Variants in CHRM3 observed in about 807,000 individuals in gnomAD.
The protein encoded by CHRM3 is muscarinic acetylcholine receptor M3.
A neutral mutation model predicts 41.8 loss-of-function variants in CHRM3; 11 were observed. That is an observed-to-expected ratio of 0.26 (90% confidence interval 0.17 to 0.44). The LOEUF (loss-of-function observed/expected upper bound fraction) is 0.44. CHRM3 is among the 20% of genes least tolerant of loss of function. The pLI, the probability that CHRM3 is intolerant of heterozygous loss-of-function variation, is 1.00. For synonymous variants in CHRM3, 297 were observed against 301.4 expected (o/e 0.99, Z 0.15); for missense variants, 571 against 745.4 (o/e 0.77, Z 2.72).
intron 5 of CHRM3, among the ~76,000 whole-genome samples, chr1:239,803,886 G>A (rs1200668375): frequency 6.6e-6 from 1 of 152,232 alleles, no homozygotes; most frequent in Non-Finnish European, 1.5e-5. Flanking sequence ...ACTGCAGTAA[G>A]TCGTGATAGC....
chr1:239,507,348 G>C (rs1436268795), intron 2 of CHRM3, among the ~76,000 whole-genome samples: 3 of 152,146 alleles, frequency 2.0e-5, no homozygotes, highest in African/African-American at 7.2e-5. Context: ...CAAGTCTCAT[G>C]AGATCTGATG....
At chr1:239,690,030 GAC>G (rs1659552729) in intron 5 of CHRM3, among the ~76,000 whole-genome samples, 1 of 144,698 alleles carries the variant, frequency 6.9e-6, no homozygotes, top group South Asian at 2.2e-4. Context: ...GAGAGAGAGA[GAC>G]AGAGAGAGAG....
intron 6 of CHRM3, among the ~76,000 whole-genome samples, chr1:239,890,158 A>C (rs1678428547): frequency 6.6e-6 from 1 of 152,006 alleles, no homozygotes; most frequent in Non-Finnish European, 1.5e-5. Flanking sequence ...AAGATTAGCC[A>C]GGCCTGGTGG....
intron 6 of CHRM3, among the ~76,000 whole-genome samples, chr1:239,832,872 G>A (rs935558628): frequency 2.6e-5 from 4 of 152,092 alleles, no homozygotes; most frequent in African/African-American, 7.2e-5. Flanking sequence ...ATATCAGGAC[G>A]CTCCTGAGTC....
intron 1 of CHRM3, among the ~76,000 whole-genome samples, chr1:239,441,472 G>T (rs761177137): frequency 2.2e-4 from 34 of 152,106 alleles, no homozygotes; most frequent in Non-Finnish European, 3.5e-4. Context: ...TCCAATATTT[G>T]TCTACATTTG....
At chr1:239,784,034 A>G (rs908765207) in intron 5 of CHRM3, among the ~76,000 whole-genome samples, 1 of 152,246 alleles carries the variant, frequency 6.6e-6, no homozygotes, top group Admixed American at 6.5e-5. Flanking sequence ...TGCAAAGGAC[A>G]TGATTTCGTT....
At chr1:239,422,932 T>C (rs1375159389) in intron 1 of CHRM3, among the ~76,000 whole-genome samples, 2 of 152,126 alleles carry the variant, frequency 1.3e-5, no homozygotes, top group African/African-American at 4.8e-5. Context: ...GGGGAGATAG[T>C]TTTGCAGGGA....
At chr1:239,649,720 A>G (rs1288795261) in intron 4 of CHRM3, among the ~76,000 whole-genome samples, 1 of 152,116 alleles carries the variant, frequency 6.6e-6, no homozygotes, top group African/African-American at 2.4e-5. Flanking sequence ...GCAGGAGTAG[A>G]GATCTTGAGT....
chr1:239,898,154 G>A (rs1679169880), intron 6 of CHRM3: 1 of 152,190 alleles, frequency 6.6e-6, no homozygotes, highest in Non-Finnish European at 1.5e-5. Flanking sequence ...AGGTTCACAA[G>A]TTGGATTCCC....
chr1:239,533,975 T>C (rs963083014), intron 2 of CHRM3, among the ~76,000 whole-genome samples: 7 of 152,142 alleles, frequency 4.6e-5, no homozygotes, highest in Non-Finnish European at 1.0e-4. Flanking sequence ...TTAGCAGCTC[T>C]TGCTAGTTAT....
At chr1:239,408,596 A>G (rs1215063755) in intron 1 of CHRM3, among the ~76,000 whole-genome samples, 1 of 151,160 alleles carries the variant, frequency 6.6e-6, no homozygotes, top group Non-Finnish European at 1.5e-5. Flanking sequence ...TAGCAGCGTG[A>G]GAACGGACTA....
chr1:239,453,370 G>A (rs1191272547), intron 1 of CHRM3, among the ~76,000 whole-genome samples: 1 of 152,206 alleles, frequency 6.6e-6, no homozygotes, highest in African/African-American at 2.4e-5. Flanking sequence ...GCTATCTCAT[G>A]TGTTGTAGCA....
chr1:239,440,422 A>G (rs80221376), intron 1 of CHRM3, among the ~76,000 whole-genome samples: 4,966 of 152,272 alleles, frequency 0.033, 118 homozygotes, highest in Admixed American at 0.069. Flanking sequence ...CAGGAGTTCA[A>G]GACCAGCTTG....
chr1:239,795,098 T>G lies in CHRM3; in HGVS notation c.-146-32154T>G, dbSNP rs1669662213. ...GACAGAATTATCCTTAATAAATATT[T>G]TACTTTTTATGTGAAAAACAATGTA... On this transcript the variant is annotated intron_variant, in intron 5 of 6. Transcript: ENST00000676153. Among the ~76,000 whole-genome samples the G allele has an allele frequency of 2.0e-5, 3 of 152,208 alleles. No homozygotes were observed. The South Asian group carries it at 6.2e-4, about 31-fold the overall frequency.
At position 239,810,429 on chromosome 1, in the gene CHRM3, C is replaced by T. The variant is rs143294327; in HGVS notation, c.-146-16823C>T. Among the ~76,000 whole-genome samples the T allele has an allele frequency of 1.1e-4, 17 of 152,180 alleles. No homozygotes were observed. In the East Asian group the frequency reaches 2.5e-3, roughly 23 times the overall value. On this transcript the variant is annotated intron_variant, in intron 5 of 6. Coordinates refer to ENST00000676153, the MANE Select transcript of CHRM3 (RefSeq NM_001375978.1). ...CTTCTCAGGGATGAGGATAGCCAGG[C>T]CAGCAAGGGGAGTGTTACTTCCTGC... is the stretch of plus-strand genomic sequence containing the variant.
intron 2 of CHRM3, among the ~76,000 whole-genome samples, chr1:239,518,363 C>T (rs563663776): frequency 6.6e-6 from 1 of 152,336 alleles, no homozygotes; most frequent in African/African-American, 2.4e-5. Context: ...CCCGCTGCCA[C>T]CTCTCCTCAA....
intron 6 of CHRM3, among the ~76,000 whole-genome samples, chr1:239,868,532 C>G (rs1409222871): frequency 6.6e-6 from 1 of 152,180 alleles, no homozygotes; most frequent in East Asian, 1.9e-4. Flanking sequence ...AAGACCACTA[C>G]TATAAACTTT....
chr1:239,396,437 A>C (rs897816080), intron 1 of CHRM3, among the ~76,000 whole-genome samples: 1 of 151,986 alleles, frequency 6.6e-6, no homozygotes, highest in African/African-American at 2.4e-5. Context: ...TTAGCAAAAA[A>C]AATCTCTACA....
chr1:239,642,481 A>C (rs926097382), intron 4 of CHRM3, among the ~76,000 whole-genome samples: 21 of 151,806 alleles, frequency 1.4e-4, no homozygotes, highest in African/African-American at 3.4e-4. Context: ...ATTCTTTTTT[A>C]TCTAAACTTC....
Sources: gnomAD v4.1 joint callset for allele counts (sites outside exome capture counted in the v4.1 genomes callset) on GRCh38, gnomAD v4.1.1 for gene constraint, MANE v1.5 for transcripts, NCBI Gene and HGNC (gene_info 2026-07-23, HGNC 2026-07-21) for gene names.